CHRNA9: variants seen among roughly 807,000 people sequenced by gnomAD.
CHRNA9 encodes neuronal acetylcholine receptor subunit alpha-9.
CHRNA9 carries 24 observed loss-of-function variants against 36.8 expected under a neutral mutation model. The ratio of observed to expected loss-of-function variants is 0.65; its 90% confidence interval spans 0.47 to 0.92. The LOEUF (loss-of-function observed/expected upper bound fraction) is 0.92, where lower values mean the gene tolerates loss of function less well. CHRNA9 is among the 40% of genes least tolerant of loss of function. CHRNA9 has a pLI of 0.00. For synonymous variants in CHRNA9, 231 were observed against 231.8 expected, an observed-to-expected ratio of 1.00 and a Z score of 0.03; for missense variants, 610 against 601.2, an observed-to-expected ratio of 1.01 and a Z score of -0.15.
chr4:40,341,993 C>T (rs962456892), intron 3 of CHRNA9, among the ~76,000 whole-genome samples: 1 of 152,196 alleles, frequency 6.6e-6, no homozygotes, highest in Non-Finnish European at 1.5e-5. Context: ...AAGCAATCCT[C>T]CTGCCTTGGC....
intron 3 of CHRNA9, among the ~76,000 whole-genome samples, chr4:40,341,187 A>G (rs1712490774): frequency 6.6e-6 from 1 of 152,134 alleles, no homozygotes; most frequent in African/African-American, 2.4e-5. Context: ...AGAGGCTACA[A>G]GGATTCCTGA....
At position 40,354,677 on chromosome 4, in the gene CHRNA9, C is replaced by G. The variant is rs1486353334; in HGVS notation, c.*157C>G. The stretch of plus-strand genomic sequence containing the variant: ...CAAATGAATGTCGAAGCTATCTGCT[C>G]TGTTAAATTAAGCAGAAGAACCAAA... On this transcript the variant is annotated 3_prime_UTR_variant, in exon 5 of 5. Transcript: ENST00000310169. The G allele has an allele frequency of 1.5e-6, 1 of 675,678 alleles. No individual in the cohort carries two copies. Among genetic ancestry groups the G allele is most frequent in the African/African-American group, 1.8e-5 (1 of 55,650 alleles). The allele number at this position is 675,678 out of a possible 1,614,324, so 41.9% of individuals were successfully genotyped here.
At chr4:40,343,437 A>G (rs1190545298) in intron 3 of CHRNA9, among the ~76,000 whole-genome samples, 1 of 152,180 alleles carries the variant, frequency 6.6e-6, no homozygotes, top group Non-Finnish European at 1.5e-5. Flanking sequence ...CCTTTATAAA[A>G]CCATCAGATC....
intron 3 of CHRNA9, among the ~76,000 whole-genome samples, chr4:40,342,387 C>G (rs1386713103): frequency 6.6e-6 from 1 of 152,008 alleles, no homozygotes; most frequent in East Asian, 1.9e-4. Context: ...ATAGAGATGC[C>G]AAAAGCCCTT....
intron 4 of CHRNA9, 124 bp downstream of exon 4, chr4:40,349,538 T>A: frequency 1.1e-6 from 1 of 918,758 alleles, no homozygotes; most frequent in Non-Finnish European, 1.7e-6. Flanking sequence ...ACAGACTGTC[T>A]CAAATTTTTC....
rs767143123 is a variant in CHRNA9 at position 40,349,319 on chromosome 4, AG to A, written c.805del (p.Val269SerfsTer5). 13 of 1,613,876 alleles carry A rather than the reference AG, an allele frequency of 8.1e-6. No homozygotes were observed. In the Admixed American group the frequency reaches 1.8e-4, roughly 23 times the overall value. ...SFYLPAASGE[K>X]VSLGVTILLA... ...TATCTCCCAGCAGCCTCCGGAGAAA[AG>A]GTCTCCCTGGGAGTGACCATCCTGT... is the stretch of plus-strand genomic sequence containing the variant. On this transcript the variant is annotated frameshift_variant, in exon 4 of 5. Coordinates refer to ENST00000310169, the MANE Select transcript of CHRNA9 (RefSeq NM_017581.4). LOFTEE classifies it high-confidence loss of function.
Position 40,354,024 on chromosome 4 carries a change from C to A in CHRNA9, c.944C>A (p.Ala315Glu), listed in dbSNP as rs55633891. The A allele has an allele frequency of 9.5e-5, 153 of 1,613,654 alleles. No homozygotes were observed. Among genetic ancestry groups the A allele is most frequent in the Non-Finnish European group, 1.2e-4 (140 of 1,179,790 alleles). Residue 315 changes from alanine (A) to glutamate (E), a missense_variant, in exon 5 of 5, where the codon GCG becomes GAG. Transcript: ENST00000310169. ...ATMALITAST[A>E]LTIMVMNIHF... ...ATGGCCCTGATCACAGCCTCCACTG[C>A]GTTGACCATCATGGTGATGAATATC...
intron 3 of CHRNA9, among the ~76,000 whole-genome samples, chr4:40,337,781 A>G (rs1220979001): frequency 1.3e-5 from 2 of 152,152 alleles, no homozygotes; most frequent in Non-Finnish European, 2.9e-5. Context: ...CTTCTAGCTA[A>G]TGGTGGTTTG....
intron 4 of CHRNA9, among the ~76,000 whole-genome samples, chr4:40,351,295 G>A (rs1712798888): frequency 6.7e-6 from 1 of 149,848 alleles, no homozygotes; most frequent in Non-Finnish European, 1.5e-5. Flanking sequence ...TTGCACCACT[G>A]CACTCCAACC....
At chr4:40,341,530 T>C (rs1712502390) in intron 3 of CHRNA9, among the ~76,000 whole-genome samples, 1 of 152,178 alleles carries the variant, frequency 6.6e-6, no homozygotes, top group South Asian at 2.1e-4. Flanking sequence ...TTCATTTGCA[T>C]AGGGTATAAC....
intron 3 of CHRNA9, among the ~76,000 whole-genome samples, chr4:40,341,842 G>A (rs959761328): frequency 6.6e-6 from 1 of 152,156 alleles, no homozygotes; most frequent in Admixed American, 6.5e-5. Context: ...GTAACAAAGT[G>A]ATCCTCTCAC....
chr4:40,341,182 C>T lies in CHRNA9; in HGVS notation c.365+3818C>T, dbSNP rs1449700511. On this transcript the variant is annotated intron_variant, in intron 3 of 4. Coordinates refer to ENST00000310169, the MANE Select transcript of CHRNA9 (RefSeq NM_017581.4). ...TTAGTATAGTGGCTGGTATAAGAGGCTACAAGGATTCCTGACATTTTTAGA... is the reference window on the plus strand; with the variant it reads ...TTAGTATAGTGGCTGGTATAAGAGGTTACAAGGATTCCTGACATTTTTAGA... Among the ~76,000 whole-genome samples the T allele has an allele frequency of 3.3e-5, 5 of 151,774 alleles. No homozygotes were observed. In the East Asian group the frequency reaches 9.7e-4, roughly 29 times the overall value.
intron 4 of CHRNA9, 168 bp downstream of exon 4, chr4:40,349,582 G>A (rs943069603): frequency 4.8e-6 from 3 of 625,914 alleles, no homozygotes; most frequent in Non-Finnish European, 8.4e-6. Flanking sequence ...CAATATAGAT[G>A]AGCCTTTTGC....
At chr4:40,351,344 T>C (rs141121483) in intron 4 of CHRNA9, among the ~76,000 whole-genome samples, 1 of 127,204 alleles carries the variant, frequency 7.9e-6, no homozygotes, top group South Asian at 2.7e-4. Context: ...AAAAAAAAAA[T>C]TGAAAAAAAA....
At chr4:40,336,770 G>A (rs1199829800) in intron 2 of CHRNA9, among the ~76,000 whole-genome samples, 3 of 152,206 alleles carry the variant, frequency 2.0e-5, no homozygotes, top group Non-Finnish European at 4.4e-5. Context: ...ATGAGCCACC[G>A]CGCCCGGCCA....
chr4:40,335,793 C>A, intron 1 of CHRNA9, 34 bp from the exon 2 acceptor site: 1 of 1,598,696 alleles, frequency 6.3e-7, no homozygotes, highest in Non-Finnish European at 8.5e-7. Context: ...ACACAACACT[C>A]TGAATGTTAA....
Position 40,335,676 on chromosome 4 carries a change from G to A in CHRNA9, c.64+145G>A, listed in dbSNP as rs767707154. ...TTCCTACTGACTCTGATCTTGGTAGGGCATGCCAGAAAAACAACTCATCCA... is the reference window on the plus strand; with the variant it reads ...TTCCTACTGACTCTGATCTTGGTAGAGCATGCCAGAAAAACAACTCATCCA... On this transcript the variant is annotated intron_variant, in intron 1 of 4. Coordinates refer to ENST00000310169, the MANE Select transcript of CHRNA9 (RefSeq NM_017581.4). 1.3e-4 allele frequency: 131 copies of A among 990,454 alleles called. 1 individual carries two copies. Among genetic ancestry groups the A allele is most frequent in the Non-Finnish European group, 1.8e-4 (112 of 636,034 alleles). The allele number at this position is 990,454 out of a possible 1,614,324, so 61.4% of individuals were successfully genotyped here.
intron 3 of CHRNA9, among the ~76,000 whole-genome samples, chr4:40,339,813 C>A (rs1363719148): frequency 6.6e-6 from 1 of 151,506 alleles, no homozygotes; most frequent in African/African-American, 2.4e-5. Context: ...CAGGTGCATG[C>A]CACCATGCCT....
At chr4:40,348,860 A>T in intron 3 of CHRNA9, 22 bp from the exon 4 acceptor site, 1 of 1,603,888 alleles carries the variant, frequency 6.2e-7, no homozygotes, top group Non-Finnish European at 8.5e-7. Flanking sequence ...TGCGGCTTTC[A>T]TTTTCCTTAT....
Sources: allele counts gnomAD v4.1 joint callset (sites outside exome capture counted in the v4.1 genomes callset), GRCh38; gene constraint gnomAD v4.1.1; transcripts MANE v1.5; gene names NCBI Gene and HGNC (gene_info 2026-07-23, HGNC 2026-07-21).